Variants in CLIC6 observed in about 807,000 individuals in gnomAD.
The protein encoded by CLIC6 is chloride intracellular channel protein 6.
CLIC6 carries 39 observed loss-of-function variants against 49.2 expected under a neutral mutation model. That is an observed-to-expected ratio of 0.79 (90% CI 0.61 to 1.04). The LOEUF (loss-of-function observed/expected upper bound fraction) is 1.04. Among genes scored for constraint, CLIC6 ranks in the 50% least tolerant of loss-of-function variants. CLIC6 has a pLI of 0.00. For missense variants in CLIC6, 988 were observed against 993.1 expected (o/e 0.99, Z 0.07); for synonymous variants, 446 against 433.4 (o/e 1.03, Z -0.36).
intron 3 of CLIC6, among the ~76,000 whole-genome samples, chr21:34,708,376 T>A (rs1285905726): frequency 6.6e-6 from 1 of 152,164 alleles, no homozygotes; most frequent in Admixed American, 6.5e-5. Flanking sequence ...AGAAGTATCA[T>A]GGATTTTTGG....
At chr21:34,680,024 G>A (rs571310425) in intron 1 of CLIC6, among the ~76,000 whole-genome samples, 1 of 152,340 alleles carries the variant, frequency 6.6e-6, no homozygotes, top group South Asian at 2.1e-4. Flanking sequence ...GCCCCAGTGG[G>A]GACTCTGTGT....
intron 5 of CLIC6, among the ~76,000 whole-genome samples, chr21:34,711,187 A>C (rs925925840): frequency 6.6e-6 from 1 of 152,218 alleles, no homozygotes; most frequent in African/African-American, 2.4e-5. Flanking sequence ...ACCAGGAAAA[A>C]TAAGTCATGG....
chr21:34,712,570 C>G (rs1420394704), intron 5 of CLIC6, among the ~76,000 whole-genome samples: 1 of 152,026 alleles, frequency 6.6e-6, no homozygotes, highest in Non-Finnish European at 1.5e-5. Flanking sequence ...CTATAGAGAC[C>G]CTTGTTGAGC....
chr21:34,715,782 C>A (rs1285242810), intron 5 of CLIC6, among the ~76,000 whole-genome samples: 1 of 152,240 alleles, frequency 6.6e-6, no homozygotes, highest in Admixed American at 6.5e-5. Context: ...CTGCTTTGTT[C>A]ATGAATCTCT....
chr21:34,669,423 C>T lies in CLIC6; in HGVS notation c.35C>T (p.Pro12Leu), dbSNP rs947921489. 5.7e-6 allele frequency: 7 copies of T among 1,235,234 alleles called. No homozygotes were observed. Among genetic ancestry groups the T allele is most frequent in the African/African-American group, 1.6e-5 (1 of 64,440 alleles). The allele number at this position is 1,235,234 out of a possible 1,614,324, so 76.5% of individuals were successfully genotyped here. Residue 12 changes from proline to leucine, a missense_variant, in exon 1 of 6, where the codon CCG (proline) becomes CTG (leucine). Physicochemically the swap from Pro to Leu is moderately conservative, Grantham distance 98. Around this residue, in one of 3 missense-constraint regions of CLIC6, gnomAD observed 284 missense variants for 278.6 expected, o/e 1.02. Coordinates refer to ENST00000349499, the MANE Select transcript of CLIC6 (RefSeq NM_053277.3). ...GCCGCGGAGCCGGAGGGGGTTGCCC[C>T]GGGTCCCCAGGGGCCGCCGGAGGTC... is the stretch of plus-strand genomic sequence containing the variant. The part of the protein sequence containing the change: ...AEAAEPEGVA[P>L]GPQGPPEVPA...
At chr21:34,705,955 G>A in intron 1 of CLIC6, 2 of 609,822 alleles carry the variant, frequency 3.3e-6, no homozygotes, top group Non-Finnish European at 5.9e-6. Context: ...GCCCCATGCA[G>A]CAGGACCCAC....
chr21:34,696,994 T>C lies in CLIC6; in HGVS notation c.1375-10286T>C, dbSNP rs147773111. Among the ~76,000 whole-genome samples the C allele has an allele frequency of 1.5e-4, 23 of 152,118 alleles. No individual in the cohort carries two copies. The East Asian group carries it at 4.3e-3, about 28-fold the overall frequency. On this transcript the variant is annotated intron_variant, in intron 1 of 5. Transcript: ENST00000349499. ...TCTTTTCTCACCAGCTGCTGATGGGTTGGGGATGCCTGCAGGGTCTTCTGA... is the reference window on the plus strand; with the variant it reads ...TCTTTTCTCACCAGCTGCTGATGGGCTGGGGATGCCTGCAGGGTCTTCTGA...
chr21:34,680,305 G>A (rs1255678083), intron 1 of CLIC6, among the ~76,000 whole-genome samples: 1 of 152,224 alleles, frequency 6.6e-6, no homozygotes, highest in Non-Finnish European at 1.5e-5. Context: ...TGGAGCAGCT[G>A]GGATGCAGGG....
chr21:34,716,193 G>A, intron 5 of CLIC6, 128 bp from the exon 6 acceptor site: 1 of 783,490 alleles, frequency 1.3e-6, no homozygotes, highest in South Asian at 1.8e-5. Context: ...GGGTAGCCCG[G>A]ATGACTGTGG....
intron 2 of CLIC6, 73 bp downstream of exon 2, chr21:34,707,462 C>CACACACACACACACACACACCCACACAT: frequency 1.2e-6 from 1 of 856,782 alleles, no homozygotes; most frequent in South Asian, 1.4e-5. Flanking sequence ...CACACACACA[C>CACACACACACACACACACACCCACACAT]ACACACACCT....
intron 5 of CLIC6, among the ~76,000 whole-genome samples, chr21:34,714,869 C>T (rs574984215): frequency 4.1e-4 from 63 of 152,276 alleles, no homozygotes; most frequent in African/African-American, 1.5e-3. Context: ...CGTTCATAGG[C>T]ATGGCCTTAA....
intron 1 of CLIC6, among the ~76,000 whole-genome samples, chr21:34,696,358 C>A (rs145088064): frequency 4.2e-4 from 64 of 152,322 alleles, no homozygotes; most frequent in African/African-American, 1.3e-3. Context: ...TATGTGTTCT[C>A]TTATCACCAT....
chr21:34,711,540 T>C (rs773632968), intron 5 of CLIC6, among the ~76,000 whole-genome samples: 46 of 35,376 alleles, frequency 1.3e-3, no homozygotes, highest in African/African-American at 3.0e-3. Context: ...AATAAATAAA[T>C]AAATAAATAA....
chr21:34,707,437 G>GCACACACACACACACACACACACAAACA, intron 2 of CLIC6, 48 bp downstream of exon 2: 2 of 735,926 alleles, frequency 2.7e-6, no homozygotes, highest in South Asian at 3.2e-5. Flanking sequence ...CTAGTTCTCT[G>GCACACACACACACACACACACACAAACA]CACACACACA....
In CLIC6 at chr21:34,670,434, A is replaced by G; in HGVS notation, c.1046A>G (p.Asp349Gly). Residue 349 changes from aspartate (D) to glycine (G), a missense_variant, in exon 1 of 6, where the codon GAC (aspartate) becomes GGC (glycine). Around this residue, in one of 3 missense-constraint regions of CLIC6, gnomAD observed 647 missense variants for 596.9 expected, o/e 1.08. Coordinates refer to ENST00000349499, the MANE Select transcript of CLIC6 (RefSeq NM_053277.3). ...GGGTCCGAAGAAGCGGCCCCCGGGGACGCAAGGGCAGACGCTGGCGAGGAC... is the reference window on the plus strand; with the variant it reads ...GGGTCCGAAGAAGCGGCCCCCGGGGGCGCAAGGGCAGACGCTGGCGAGGAC... Reference protein sequence around the residue: ...VKGSEEAAPGDARADAGEDRV... With the variant: ...VKGSEEAAPGGARADAGEDRV... 6.8e-7 allele frequency: 1 copy of G among 1,462,072 alleles called. No individual in the cohort carries two copies. The highest frequency in any genetic ancestry group is 2.6e-5 in the East Asian group (1 of 38,828). 90.6% of individuals were successfully genotyped at this position (1,462,072 alleles called of 1,614,324 possible).
At chr21:34,681,212 G>A (rs1004651329) in intron 1 of CLIC6, among the ~76,000 whole-genome samples, 1 of 152,246 alleles carries the variant, frequency 6.6e-6, no homozygotes, top group Non-Finnish European at 1.5e-5. Context: ...ATGGTGGGAA[G>A]GAGAAGTGCT....
Position 34,669,728 on chromosome 21 carries a change from G to A in CLIC6, c.340G>A (p.Gly114Arg). 1 of 1,386,662 alleles carries A rather than the reference G, an allele frequency of 7.2e-7. No individual in the cohort carries two copies. Among genetic ancestry groups the A allele is most frequent in the Non-Finnish European group, 9.3e-7 (1 of 1,080,816 alleles). The allele number at this position is 1,386,662 out of a possible 1,614,324, so 85.9% of individuals were successfully genotyped here. ...GAQQVEGASPGRGAQGEPRGE... is the reference protein window; with the variant it reads ...GAQQVEGASPRRGAQGEPRGE... ...GCAGCAGGTGGAGGGGGCGAGCCCG[G>A]GACGCGGCGCGCAGGGCGAGCCCCG... is the stretch of plus-strand genomic sequence containing the variant. Residue 114 changes from glycine to arginine, a missense_variant, in exon 1 of 6, where the codon GGA (glycine) becomes AGA (arginine). Gly to Arg is a moderately radical substitution (Grantham distance 125). This residue lies in a region of CLIC6 where 284 missense variants were observed against 278.6 expected (regional missense o/e 1.02). Coordinates refer to ENST00000349499, the MANE Select transcript of CLIC6 (RefSeq NM_053277.3).
At chr21:34,704,883 C>G (rs186075052) in intron 1 of CLIC6, among the ~76,000 whole-genome samples, 1 of 152,256 alleles carries the variant, frequency 6.6e-6, no homozygotes, top group Admixed American at 6.5e-5. Context: ...AATTATTCTG[C>G]AGATGCCACG....
intron 1 of CLIC6, among the ~76,000 whole-genome samples, chr21:34,695,672 G>T (rs1305902046): frequency 2.6e-5 from 4 of 152,210 alleles, no homozygotes; most frequent in Non-Finnish European, 5.9e-5. Flanking sequence ...ACTCTGAAAT[G>T]AGAAAAGCAA....
Sources: gnomAD v4.1 joint callset for allele counts (sites outside exome capture counted in the v4.1 genomes callset) on GRCh38, gnomAD v4.1.1 for gene constraint, gnomAD v4.1.1 regional missense constraint, MANE v1.5 for transcripts, NCBI Gene and HGNC (gene_info 2026-07-23, HGNC 2026-07-21) for gene names.